Variants in CDKL4 observed in about 807,000 individuals in gnomAD.
CDKL4 encodes the protein cyclin-dependent kinase-like 4.
Under a neutral mutation model 42.0 loss-of-function variants are expected in CDKL4, and 44 were observed. The ratio of observed to expected loss-of-function variants is 1.05; its 90% confidence interval spans 0.82 to 1.35. CDKL4 has a LOEUF of 1.35. Among genes scored for constraint, CDKL4 ranks in the 40% most tolerant of loss-of-function variants. CDKL4 has a pLI of 0.00. For missense variants in CDKL4, 393 were observed against 369.9 expected, an observed-to-expected ratio of 1.06 and a Z score of -0.51; for synonymous variants, 120 against 121.6, an observed-to-expected ratio of 0.99 and a Z score of 0.09.
intron 8 of CDKL4, 66 bp from the exon 9 acceptor site, chr2:39,179,387 A>G: frequency 8.1e-7 from 1 of 1,241,310 alleles, no homozygotes; most frequent in Non-Finnish European, 1.1e-6. Context: ...CGTGCCCACA[A>G]ACTGAATAAC....
At chr2:39,172,535 C>A (rs922758175), downstream of CDKL4, among the ~76,000 whole-genome samples, 1 of 152,144 alleles carries the variant, frequency 6.6e-6, no homozygotes, top group Admixed American at 6.5e-5. Context: ...TGGCCTGGGC[C>A]ACCCAGGGAC....
downstream of CDKL4, among the ~76,000 whole-genome samples, chr2:39,173,369 T>G (rs1193781795): frequency 2.5e-4 from 38 of 152,180 alleles, no homozygotes; most frequent in Admixed American, 2.4e-3. Flanking sequence ...ACCCGTGGTA[T>G]CGTCCTGTTA....
At chr2:39,231,302 CA>C (rs1468777077) in intron 1 of CDKL4, among the ~76,000 whole-genome samples, 1 of 152,168 alleles carries the variant, frequency 6.6e-6, no homozygotes, top group Non-Finnish European at 1.5e-5. Flanking sequence ...AACAAAATGT[CA>C]AGTGAAAAAG....
intron 5 of CDKL4, among the ~76,000 whole-genome samples, chr2:39,198,877 A>G (rs890662186): frequency 2.0e-5 from 3 of 152,118 alleles, no homozygotes; most frequent in African/African-American, 7.2e-5. Flanking sequence ...GCCTACATCA[A>G]AAAGTCTGAA....
intron 8 of CDKL4, among the ~76,000 whole-genome samples, chr2:39,180,948 C>T (rs1675408311): frequency 6.6e-6 from 1 of 152,162 alleles, no homozygotes; most frequent in African/African-American, 2.4e-5. Flanking sequence ...CTCGGCCTCC[C>T]AGTGCTGGGA....
intron 1 of CDKL4, among the ~76,000 whole-genome samples, chr2:39,229,838 T>C (rs1461965901): frequency 3.9e-5 from 6 of 152,348 alleles, no homozygotes; most frequent in South Asian, 4.1e-4. Context: ...AAAGAATTTG[T>C]GGAAAGGAAA....
chr2:39,171,670 T>C (rs1160199469), downstream of CDKL4, among the ~76,000 whole-genome samples: 1 of 152,174 alleles, frequency 6.6e-6, no homozygotes, highest in African/African-American at 2.4e-5. Context: ...TTGAATGGCC[T>C]GAAAATACTG....
chr2:39,205,730 A>C (rs1429999512), intron 4 of CDKL4, among the ~76,000 whole-genome samples: 3 of 131,848 alleles, frequency 2.3e-5, no homozygotes, highest in Non-Finnish European at 4.7e-5. Flanking sequence ...ACTGCACTCC[A>C]GCCTGGACGA....
chr2:39,182,083 G>T (rs1333231532), intron 8 of CDKL4, among the ~76,000 whole-genome samples: 1 of 152,136 alleles, frequency 6.6e-6, no homozygotes, highest in Non-Finnish European at 1.5e-5. Context: ...CTGGGCTCAA[G>T]CAATCCTCCC....
intron 9 of CDKL4, chr2:39,178,470 G>A (rs1675258178): frequency 8.6e-7 from 1 of 1,157,856 alleles, no homozygotes; most frequent in Non-Finnish European, 1.2e-6. Flanking sequence ...CCTTCTCTGT[G>A]TCAGATACTG....
At chr2:39,223,290 A>C (rs905325707) in intron 3 of CDKL4, among the ~76,000 whole-genome samples, 4 of 152,132 alleles carry the variant, frequency 2.6e-5, no homozygotes, top group East Asian at 1.9e-4. Context: ...CCCTCATCTG[A>C]TTATTTTCTT....
chr2:39,198,469 A>G (rs1278334571), intron 5 of CDKL4, among the ~76,000 whole-genome samples: 1 of 152,198 alleles, frequency 6.6e-6, no homozygotes, highest in Non-Finnish European at 1.5e-5. Context: ...ATGGACTTAA[A>G]CTATATCCTA....
At chr2:39,220,850 G>C (rs1678273602) in intron 3 of CDKL4, among the ~76,000 whole-genome samples, 1 of 151,756 alleles carries the variant, frequency 6.6e-6, no homozygotes, top group Non-Finnish European at 1.5e-5. Flanking sequence ...GCCTCCCAAA[G>C]TGCTGGGATT....
chr2:39,204,635 G>A lies in CDKL4; in HGVS notation c.364-18C>T, dbSNP rs1677056376. ...TGAATACACTGTAAGATCATTATTT[G>A]ATTATTTTTCTGAACCATCAAAATG... On this transcript the variant is annotated intron_variant, in intron 4 of 9. Transcript: ENST00000451199. The A allele has an allele frequency of 7.6e-7, 1 of 1,318,748 alleles. No individual in the cohort carries two copies. Among genetic ancestry groups the A allele is most frequent in the African/African-American group, 1.5e-5 (1 of 68,044 alleles). The allele number at this position is 1,318,748 out of a possible 1,614,324, so 81.7% of individuals were successfully genotyped here. A position where few individuals can be genotyped will look rare whatever the true frequency, so the allele number is the denominator to read the frequency against.
downstream of CDKL4, among the ~76,000 whole-genome samples, chr2:39,173,018 T>A (rs564268821): frequency 6.6e-6 from 1 of 152,316 alleles, no homozygotes; most frequent in South Asian, 2.1e-4. Flanking sequence ...CTAGTTTGAA[T>A]TAATTTTTTA....
Position 39,176,109 on chromosome 2 carries a change from C to G in CDKL4, c.928-13G>C, listed in dbSNP as rs1358519231. 4.4e-6 allele frequency: 2 copies of G among 459,496 alleles called. No homozygotes were observed. Among genetic ancestry groups the G allele is most frequent in the East Asian group, 7.0e-5 (1 of 14,318 alleles). 28.5% of individuals were successfully genotyped at this position (459,496 alleles called of 1,614,324 possible). A position where few individuals can be genotyped will look rare whatever the true frequency, so the allele number is the denominator to read the frequency against. On this transcript the variant is annotated splice_polypyrimidine_tract_variant and intron_variant, in intron 9 of 9. Coordinates refer to ENST00000451199, the Ensembl canonical transcript of CDKL4. ...GCAACAGTTGATTCTAATAGCAGAA[C>G]AAGACAACAATAAGAAAGCAAATTG...
intron 8 of CDKL4, among the ~76,000 whole-genome samples, chr2:39,180,721 C>G (rs1439172514): frequency 7.2e-6 from 1 of 138,962 alleles, no homozygotes; most frequent in Non-Finnish European, 1.5e-5. Flanking sequence ...GACAAAGTCT[C>G]GTTCTGTCAC....
At chr2:39,182,298 TG>T (rs1375529053) in intron 8 of CDKL4, among the ~76,000 whole-genome samples, 17 of 152,238 alleles carry the variant, frequency 1.1e-4, no homozygotes, top group Admixed American at 9.2e-4. Context: ...GCCTCATTCA[TG>T]TTTTTATATG....
intron 9 of CDKL4, 195 bp downstream of exon 9, chr2:39,178,992 T>TGCAATAATCTTGATATTTTC: frequency 3.5e-6 from 5 of 1,443,254 alleles, no homozygotes; most frequent in Non-Finnish European, 4.5e-6. Flanking sequence ...ATAAGATTTT[T>TGCAATAATCTTGATATTTTC]GCAATAATCT....
Sources: gnomAD v4.1 joint callset for allele counts (sites outside exome capture counted in the v4.1 genomes callset) on GRCh38, gnomAD v4.1.1 for gene constraint, MANE v1.5 for transcripts, NCBI Gene and HGNC (gene_info 2026-07-23, HGNC 2026-07-21) for gene names.